CABCOCO1: variants seen among roughly 807,000 people sequenced by gnomAD.
CABCOCO1 encodes ciliary associated calcium binding coiled-coil 1.
CABCOCO1 carries 28 observed loss-of-function variants against 35.7 expected under a neutral mutation model. The observed-to-expected ratio is 0.78, with a 90% CI of 0.58 to 1.07. The LOEUF is 1.07. Ranked by LOEUF, CABCOCO1 falls within the 50% of genes least tolerant of loss-of-function variation. CABCOCO1 has a pLI of 0.00. For synonymous variants in CABCOCO1, 95 were observed against 100.1 expected (o/e 0.95, Z 0.30); for missense variants, 326 against 309.2 (o/e 1.05, Z -0.41).
chr10:61,698,474 T>C (rs1840352668), intron 5 of CABCOCO1, among the ~76,000 whole-genome samples: 1 of 152,160 alleles, frequency 6.6e-6, no homozygotes, highest in African/African-American at 2.4e-5. Context: ...CTTAGAAAGA[T>C]ATTTAAAGAA....
In CABCOCO1 at chr10:61,762,705, T is replaced by G. The variant is rs146728900; in HGVS notation, c.816+1702T>G. Among the ~76,000 whole-genome samples, 402 of 152,188 alleles carry G rather than the reference T, an allele frequency of 2.6e-3. 2 individuals carry two copies. Among genetic ancestry groups the G allele is most frequent in the Admixed American group, 7.3e-3 (112 of 15,254 alleles). ...TGGGACACAGAAAGACTTAAGTTAT[T>G]TGTCCAGAGTTCCCAGGGTTGACAA... On this transcript the variant is annotated intron_variant, in intron 7 of 7. Transcript: ENST00000648843.
chr10:61,715,359 T>A (rs998050136), intron 5 of CABCOCO1, among the ~76,000 whole-genome samples: 3 of 152,224 alleles, frequency 2.0e-5, no homozygotes, highest in Non-Finnish European at 4.4e-5. Context: ...GCTTCCCATT[T>A]GCTTGGCAGA....
At chr10:61,715,620 C>T (rs1044933159) in intron 5 of CABCOCO1, among the ~76,000 whole-genome samples, 7 of 152,164 alleles carry the variant, frequency 4.6e-5, no homozygotes, top group Admixed American at 4.6e-4. Flanking sequence ...ATGGTCTTTA[C>T]AATTTGGCAT....
At chr10:61,748,883 C>A (rs549960511) in intron 5 of CABCOCO1, among the ~76,000 whole-genome samples, 24 of 152,196 alleles carry the variant, frequency 1.6e-4, no homozygotes, top group African/African-American at 5.8e-4. Context: ...CTGTATAATT[C>A]CTTTTATGAA....
chr10:61,669,020 G>GAAAAAAAAA lies in CABCOCO1; in HGVS notation c.61-3607_61-3599dup, dbSNP rs200867627. On this transcript the variant is annotated intron_variant, in intron 1 of 7. Transcript: ENST00000648843. ...TGGTTCATTTATTTTAAGGGTTGGG[G>GAAAAAAAAA]AAAAAAAAAAAAACACCTTCCAAGT... Among the ~76,000 whole-genome samples, 6 of 102,478 alleles carry GAAAAAAAAA rather than the reference G, an allele frequency of 5.9e-5. 1 individual carries two copies. The highest frequency in any genetic ancestry group is 1.1e-4 in the Non-Finnish European group (5 of 46,982). The allele number at this position is 102,478 out of a possible 152,430, so 67.2% of individuals were successfully genotyped here.
chr10:61,764,213 G>A (rs1041785014), intron 7 of CABCOCO1, among the ~76,000 whole-genome samples: 8 of 152,108 alleles, frequency 5.3e-5, no homozygotes, highest in Admixed American at 2.0e-4. Context: ...GACATTAATT[G>A]AAAGTGGGAA....
intron 6 of CABCOCO1, 96 bp downstream of exon 6, chr10:61,760,277 C>A: frequency 6.9e-7 from 1 of 1,441,480 alleles, no homozygotes; most frequent in Non-Finnish European, 9.3e-7. Flanking sequence ...ATTTTCTTTG[C>A]CTCTGATTTT....
At chr10:61,675,138 A>T (rs955096348) in intron 2 of CABCOCO1, among the ~76,000 whole-genome samples, 3 of 152,060 alleles carry the variant, frequency 2.0e-5, no homozygotes, top group African/African-American at 7.2e-5. Flanking sequence ...TCATCACTAT[A>T]CCAAACTTCC....
chr10:61,673,866 G>A (rs1589110860), intron 2 of CABCOCO1, among the ~76,000 whole-genome samples: 4 of 152,228 alleles, frequency 2.6e-5, no homozygotes, highest in South Asian at 2.1e-4. Context: ...ATTAAGGTTC[G>A]TTAGGAATTC....
At position 61,690,813 on chromosome 10, in the gene CABCOCO1, G is replaced by A. The variant is rs1840115801; in HGVS notation, c.552+192G>A. Among the ~76,000 whole-genome samples the A allele has an allele frequency of 2.0e-5, 3 of 152,126 alleles. No homozygotes were observed. In the South Asian group the frequency reaches 6.2e-4, roughly 32 times the overall value. On this transcript the variant is annotated intron_variant, in intron 5 of 7. Coordinates refer to ENST00000648843, the MANE Select transcript of CABCOCO1 (RefSeq NM_001366906.2). ...CATTAGGAAAATAAGTGGTCTTTTG[G>A]CATTAAAAGCATTGTTAATCATTTA... is the stretch of plus-strand genomic sequence containing the variant.
At chr10:61,693,442 T>C (rs1687975545) in intron 5 of CABCOCO1, among the ~76,000 whole-genome samples, 1 of 152,172 alleles carries the variant, frequency 6.6e-6, no homozygotes, top group East Asian at 1.9e-4. Flanking sequence ...TCAAGTTAGA[T>C]AACACTGATG....
At chr10:61,711,266 A>G (rs1840728087) in intron 5 of CABCOCO1, among the ~76,000 whole-genome samples, 1 of 152,018 alleles carries the variant, frequency 6.6e-6, no homozygotes. Context: ...AAGGACATAA[A>G]CAGTTTGCAA....
chr10:61,766,115 G>C lies in CABCOCO1; in HGVS notation c.*102G>C. 1 of 1,088,492 alleles carries C rather than the reference G, an allele frequency of 9.2e-7. No individual in the cohort carries two copies. The highest frequency in any genetic ancestry group is 1.3e-6 in the Non-Finnish European group (1 of 763,058). 67.4% of individuals were successfully genotyped at this position (1,088,492 alleles called of 1,614,324 possible). A position where few individuals can be genotyped will look rare whatever the true frequency, so the allele number is the denominator to read the frequency against. On this transcript the variant is annotated 3_prime_UTR_variant, in exon 8 of 8. Coordinates refer to ENST00000648843, the MANE Select transcript of CABCOCO1 (RefSeq NM_001366906.2). ...CGTCGTGTCTCCATCACTTAGTTGT[G>C]AAAGGAAAACCAAGCCCCACTTTTT...
chr10:61,711,493 G>A (rs1175524498), intron 5 of CABCOCO1, among the ~76,000 whole-genome samples: 2 of 151,740 alleles, frequency 1.3e-5, no homozygotes, highest in African/African-American at 2.4e-5. Flanking sequence ...TGAAGCAAAG[G>A]CCAATAGACC....
chr10:61,766,446 A>G lies in CABCOCO1; in HGVS notation c.*433A>G, dbSNP rs752564951. 7 of 152,644 alleles carry G rather than the reference A, an allele frequency of 4.6e-5. No individual in the cohort carries two copies. The highest frequency in any genetic ancestry group is 8.8e-5 in the Non-Finnish European group (6 of 68,438). 9.5% of individuals were successfully genotyped at this position (152,644 alleles called of 1,614,324 possible). Reference sequence around the variant, plus strand: ...TACTGGAACACTGTGAAAACATACCAGTACCACACTATTGAGGATAAAATT... The same window carrying G: ...TACTGGAACACTGTGAAAACATACCGGTACCACACTATTGAGGATAAAATT... On this transcript the variant is annotated 3_prime_UTR_variant, in exon 8 of 8. Transcript: ENST00000648843.
chr10:61,713,891 G>A (rs1840793555), intron 5 of CABCOCO1, among the ~76,000 whole-genome samples: 1 of 152,166 alleles, frequency 6.6e-6, no homozygotes, highest in South Asian at 2.1e-4. Flanking sequence ...GCTTTTTGAT[G>A]TGCTGCTGGA....
chr10:61,726,810 C>A (rs951475604), intron 5 of CABCOCO1, among the ~76,000 whole-genome samples: 1 of 148,150 alleles, frequency 6.7e-6, no homozygotes, highest in African/African-American at 2.5e-5. Flanking sequence ...GTAATCCCAG[C>A]ACTTTGGGAG....
intron 5 of CABCOCO1, among the ~76,000 whole-genome samples, chr10:61,712,219 T>G (rs555040656): frequency 6.6e-6 from 1 of 152,268 alleles, no homozygotes; most frequent in African/African-American, 2.4e-5. Context: ...GTCAGATGGT[T>G]TCTCATCGTG....
At chr10:61,679,952 T>A (rs1341583723) in intron 2 of CABCOCO1, among the ~76,000 whole-genome samples, 1 of 151,592 alleles carries the variant, frequency 6.6e-6, no homozygotes, top group Non-Finnish European at 1.5e-5. Context: ...AATTTTAAGG[T>A]TGAAGAGAAA....
Sources: allele counts gnomAD v4.1 joint callset (sites outside exome capture counted in the v4.1 genomes callset), GRCh38; gene constraint gnomAD v4.1.1; transcripts MANE v1.5; gene names NCBI Gene and HGNC (gene_info 2026-07-23, HGNC 2026-07-21).